The following CDH18 variants were observed in gnomAD, a reference collection of about 807,000 sequenced individuals.
CDH18 encodes the protein cadherin 18, also known as cadherin-18.
Under a neutral mutation model 67.9 loss-of-function variants are expected in CDH18, and 31 were observed. The ratio of observed to expected loss-of-function variants is 0.46; its 90% CI spans 0.34 to 0.62. The LOEUF is 0.62. CDH18 is among the 20% of genes least tolerant of loss of function. The pLI is 0.01. For missense variants in CDH18, 890 were observed against 975.5 expected, an observed-to-expected ratio of 0.91 and a Z score of 1.17; for synonymous variants, 362 against 347.2, an observed-to-expected ratio of 1.04 and a Z score of -0.48.
intron 1 of CDH18, among the ~76,000 whole-genome samples, chr5:20,397,159 C>G (rs2150124124): frequency 6.6e-6 from 1 of 152,164 alleles, no homozygotes; most frequent in East Asian, 1.9e-4. Context: ...CAAATGGAGT[C>G]TTGCTCTGTT....
At chr5:19,894,769 C>T (rs1299205086) in intron 2 of CDH18, among the ~76,000 whole-genome samples, 4 of 152,084 alleles carry the variant, frequency 2.6e-5, no homozygotes, top group Non-Finnish European at 4.4e-5. Context: ...GACCTCTGAA[C>T]ATTTCTATCT....
intron 2 of CDH18, among the ~76,000 whole-genome samples, chr5:19,843,578 A>G (rs1782588685): frequency 6.6e-6 from 1 of 152,272 alleles, no homozygotes; most frequent in South Asian, 2.1e-4. Context: ...GACCCCCGAC[A>G]TAGAGTTCCC....
At chr5:20,373,045 T>C (rs1416552167) in intron 1 of CDH18, among the ~76,000 whole-genome samples, 1 of 152,144 alleles carries the variant, frequency 6.6e-6, no homozygotes, top group Non-Finnish European at 1.5e-5. Context: ...ATATTGTTAT[T>C]GTTGATATTA....
At chr5:19,495,597 G>A (rs998502984) in intron 11 of CDH18, among the ~76,000 whole-genome samples, 1 of 151,366 alleles carries the variant, frequency 6.6e-6, no homozygotes, top group Non-Finnish European at 1.5e-5. Flanking sequence ...AAAATTAGCC[G>A]GGCGTGGTGG....
intron 1 of CDH18, among the ~76,000 whole-genome samples, chr5:20,460,244 T>C (rs1751154009): frequency 6.6e-6 from 1 of 151,758 alleles, no homozygotes; most frequent in Non-Finnish European, 1.5e-5. Flanking sequence ...ATACAGAAAT[T>C]AGCTGGGTGT....
chr5:19,891,270 AG>A (rs1788759627), intron 2 of CDH18, among the ~76,000 whole-genome samples: 1 of 152,142 alleles, frequency 6.6e-6, no homozygotes, highest in Non-Finnish European at 1.5e-5. Flanking sequence ...TTCTAACATC[AG>A]TATAATTTTA....
At chr5:19,575,900 A>G (rs1561383907) in intron 7 of CDH18, among the ~76,000 whole-genome samples, 1 of 152,100 alleles carries the variant, frequency 6.6e-6, no homozygotes, top group African/African-American at 2.4e-5. Context: ...CTCAATTTAT[A>G]TTGTAATTCA....
At chr5:20,032,761 C>T (rs1001892380) in intron 2 of CDH18, among the ~76,000 whole-genome samples, 10 of 151,792 alleles carry the variant, frequency 6.6e-5, no homozygotes, top group African/African-American at 2.2e-4. Flanking sequence ...TAGTTTCTCT[C>T]ATTTCAATAG....
intron 2 of CDH18, among the ~76,000 whole-genome samples, chr5:19,908,312 T>C (rs749597385): frequency 6.6e-6 from 1 of 152,100 alleles, no homozygotes; most frequent in Non-Finnish European, 1.5e-5. Context: ...TTCTTATTTA[T>C]ATACAGAAAT....
At chr5:20,383,867 TATC>T (rs2150104527) in intron 1 of CDH18, among the ~76,000 whole-genome samples, 1 of 152,140 alleles carries the variant, frequency 6.6e-6, no homozygotes, top group African/African-American at 2.4e-5. Flanking sequence ...GAAAGGATAA[TATC>T]ATTATCAACA....
At chr5:20,402,544 AT>A (rs1171525031) in intron 1 of CDH18, among the ~76,000 whole-genome samples, 2 of 152,200 alleles carry the variant, frequency 1.3e-5, no homozygotes, top group African/African-American at 4.8e-5. Context: ...TGGGTCACAT[AT>A]TTTTTATTGG....
chr5:19,655,278 A>C (rs1174241713), intron 5 of CDH18, among the ~76,000 whole-genome samples: 1 of 152,168 alleles, frequency 6.6e-6, no homozygotes. Context: ...ATGATAAGAT[A>C]TAAATATTAT....
chr5:19,711,550 T>A (rs1115730), intron 5 of CDH18, among the ~76,000 whole-genome samples: 96,406 of 151,392 alleles, frequency 0.64, 31,522 homozygotes, highest in South Asian at 0.75. Context: ...TATCAAGCAT[T>A]TGAAAAAAAT....
rs375332232 is a variant in CDH18, at chr5:19,649,988, C to T, written c.644-37387G>A. ...AAGACACACATGCTTGAATGATTGA[C>T]AACTGGTACTGACTTATGGCTCAAA... On this transcript the variant is annotated intron_variant, in intron 5 of 12. Coordinates refer to ENST00000382275, the MANE Select transcript of CDH18 (RefSeq NM_004934.5). Among the ~76,000 whole-genome samples, 8 of 152,062 alleles carry T rather than the reference C, an allele frequency of 5.3e-5. No individual in the cohort carries two copies. In the East Asian group the frequency reaches 1.4e-3, roughly 26 times the overall value.
chr5:20,294,071 CTG>C (rs1165963280), intron 1 of CDH18, among the ~76,000 whole-genome samples: 2 of 152,118 alleles, frequency 1.3e-5, no homozygotes, highest in Non-Finnish European at 2.9e-5. Context: ...TTTATATACA[CTG>C]TTGGTCATAG....
chr5:19,619,247 G>A (rs1249585840), intron 5 of CDH18, among the ~76,000 whole-genome samples: 1 of 152,116 alleles, frequency 6.6e-6, no homozygotes, highest in East Asian at 1.9e-4. Flanking sequence ...TATAAAATGT[G>A]GGATATAAAC....
chr5:20,038,812 C>T (rs1031051108), intron 2 of CDH18, among the ~76,000 whole-genome samples: 3 of 152,118 alleles, frequency 2.0e-5, no homozygotes, highest in Admixed American at 6.6e-5. Flanking sequence ...ATCATCACTC[C>T]TATTCAACAA....
chr5:19,747,100 G>A lies in CDH18; in HGVS notation c.365C>T (p.Thr122Ile). 6.2e-7 allele frequency: 1 copy of A among 1,614,042 alleles called. No homozygotes were observed. The highest frequency in any genetic ancestry group is 8.5e-7 in the Non-Finnish European group (1 of 1,180,002). ...AGCTTGAGCATGAAGCACATAGTGG[G>A]TCTTCTGCTCTCTGTCTAGGCTTTT... Reference protein sequence around the residue: ...STKSLDREQKTHYVLHAQAID... With the variant: ...STKSLDREQKIHYVLHAQAID... Residue 122 changes from threonine to isoleucine, a missense_variant, in exon 4 of 13, where the codon ACC becomes ATC. By Grantham distance (89) the Thr-to-Ile change is moderately conservative. This residue lies in a region of CDH18 where 234 missense variants were observed against 307.4 expected (regional missense o/e 0.76). Transcript: ENST00000382275.
At position 19,571,906 on chromosome 5, in the gene CDH18, T is replaced by C. The variant is rs542373380; in HGVS notation, c.1000-74A>G. ...TATGACTTTCATTACTTTTCAAATA[T>C]GCATTATTTTTTCCTTTTTAGAATA... On this transcript the variant is annotated intron_variant, in intron 7 of 12. Coordinates refer to ENST00000382275, the MANE Select transcript of CDH18 (RefSeq NM_004934.5). 8.2e-4 allele frequency: 968 copies of C among 1,184,976 alleles called. 2 individuals are homozygous for C. The highest frequency in any genetic ancestry group is 1.1e-3 in the Non-Finnish European group (896 of 834,548). The allele number at this position is 1,184,976 out of a possible 1,614,324, so 73.4% of individuals were successfully genotyped here. A position where few individuals can be genotyped will look rare whatever the true frequency, so the allele number is the denominator to read the frequency against.
Sources: allele counts gnomAD v4.1 joint callset (sites outside exome capture counted in the v4.1 genomes callset), GRCh38; gene constraint gnomAD v4.1.1; regional missense constraint gnomAD v4.1.1; transcripts MANE v1.5; gene names NCBI Gene and HGNC (gene_info 2026-07-23, HGNC 2026-07-21).